PCNX1: variants seen among roughly 807,000 people sequenced by gnomAD.
PCNX1 encodes pecanex 1, also known as pecanex-like protein 1.
PCNX1 carries 78 observed loss-of-function variants against 242.2 expected under a neutral mutation model. That is an observed-to-expected ratio of 0.32 (90% CI 0.27 to 0.39). PCNX1 has a LOEUF of 0.39. PCNX1 is among the 10% of genes least tolerant of loss of function. The probability of loss-of-function intolerance (pLI) is 1.00; values close to 1 mark genes in which losing one functional copy is unlikely to be tolerated. For missense variants in PCNX1, 2,581 were observed against 2,856.5 expected (o/e 0.90, Z 2.20); for synonymous variants, 1,024 against 1,032.9 (o/e 0.99, Z 0.17).
At chr14:71,046,198 G>A (rs1225346274) in intron 20 of PCNX1, among the ~76,000 whole-genome samples, 1 of 151,742 alleles carries the variant, frequency 6.6e-6, no homozygotes, top group Non-Finnish European at 1.5e-5. Flanking sequence ...TATACCATCA[G>A]GAAAATAACT....
At chr14:71,059,545 G>A (rs1159284562) in intron 26 of PCNX1, among the ~76,000 whole-genome samples, 6 of 151,830 alleles carry the variant, frequency 4.0e-5, no homozygotes, top group Non-Finnish European at 7.4e-5. Flanking sequence ...CACCACTCCT[G>A]GCTAATTTTT....
Position 70,977,753 on chromosome 14 carries a change from C to T in PCNX1, c.1416C>T (p.Pro472=), listed in dbSNP as rs1466941740. 2 of 1,613,986 alleles carry T rather than the reference C, an allele frequency of 1.2e-6. No individual in the cohort carries two copies. Among genetic ancestry groups the T allele is most frequent in the African/African-American group, 1.3e-5 (1 of 74,900 alleles). ...TTCACGAGGCCAAGGACCCCACCCC[C>T]TCTGATGAGATGCACAACCAGAGAG... ...SGVHEAKDPT[P]SDEMHNQRGL... The change falls in exon 6 of 36, where the codon CCC becomes CCT. Residue 472 remains proline (P), a synonymous_variant. Transcript: ENST00000304743.
chr14:71,098,547 T>TGA (rs528643008), intron 30 of PCNX1, among the ~76,000 whole-genome samples: 97 of 126,180 alleles, frequency 7.7e-4, no homozygotes, highest in East Asian at 4.7e-3. Flanking sequence ...TGTGTGTGTG[T>TGA]GTGTGTGAGA....
intron 31 of PCNX1, 60 bp downstream of exon 31, chr14:71,102,280 A>ATTTT: frequency 1.9e-6 from 2 of 1,025,722 alleles, no homozygotes; most frequent in South Asian, 1.8e-5. Flanking sequence ...TTGATCTAAA[A>ATTTT]TTTTTTTTTT....
intron 28 of PCNX1, among the ~76,000 whole-genome samples, chr14:71,084,749 G>A (rs1042205997): frequency 6.6e-6 from 1 of 152,244 alleles, no homozygotes; most frequent in Non-Finnish European, 1.5e-5. Context: ...CTGGCAGCAA[G>A]AATTTCAAGC....
At chr14:71,069,689 A>G (rs1318824188) in intron 26 of PCNX1, among the ~76,000 whole-genome samples, 1 of 152,202 alleles carries the variant, frequency 6.6e-6, no homozygotes, top group Non-Finnish European at 1.5e-5. Context: ...AATGTACTAC[A>G]TATCTTAATT....
At chr14:70,961,918 C>T (rs115697270) in intron 2 of PCNX1, among the ~76,000 whole-genome samples, 1,691 of 152,024 alleles carry the variant, frequency 0.011, 14 homozygotes, top group South Asian at 0.017. Flanking sequence ...TTTGATGGCA[C>T]GTATCGTAAC....
In PCNX1 at chr14:70,942,144, G is replaced by A. The variant is rs148564857; in HGVS notation, c.154-4771G>A. 2.6e-5 allele frequency among the ~76,000 whole-genome samples: 4 copies of A among 152,166 alleles called. No homozygotes were observed. The East Asian group carries it at 7.8e-4, about 29-fold the overall frequency. ...GTGGGCTGTACCCACCGTCCGACAGGCCCCAGTGAGGTGAACCCTGTACCT... is the reference window on the plus strand; with the variant it reads ...GTGGGCTGTACCCACCGTCCGACAGACCCCAGTGAGGTGAACCCTGTACCT... On this transcript the variant is annotated intron_variant, in intron 1 of 35. Transcript: ENST00000304743.
intron 2 of PCNX1, among the ~76,000 whole-genome samples, chr14:70,949,058 A>T (rs1258287567): frequency 6.7e-6 from 1 of 148,692 alleles, no homozygotes; most frequent in Non-Finnish European, 1.5e-5. Flanking sequence ...ATATAGATAT[A>T]TGTATGTATA....
At chr14:71,039,931 G>GT (rs2060657027) in intron 19 of PCNX1, among the ~76,000 whole-genome samples, 1 of 152,100 alleles carries the variant, frequency 6.6e-6, no homozygotes, top group Non-Finnish European at 1.5e-5. Flanking sequence ...GGGTATCCAT[G>GT]TTTCCATTTG....
At chr14:71,082,151 C>T (rs1199687745) in intron 28 of PCNX1, among the ~76,000 whole-genome samples, 4 of 152,040 alleles carry the variant, frequency 2.6e-5, no homozygotes, top group East Asian at 1.9e-4. Flanking sequence ...TTTCAGTTTC[C>T]GTGTTGTTGT....
intron 1 of PCNX1, among the ~76,000 whole-genome samples, chr14:70,925,882 C>G (rs1566574722): frequency 6.6e-6 from 1 of 150,840 alleles, no homozygotes. Flanking sequence ...TTCCTTTTGA[C>G]CGCCATAGCC....
In PCNX1 at chr14:70,978,150, C is replaced by G; in HGVS notation, c.1813C>G (p.Gln605Glu). The G allele has an allele frequency of 6.2e-7, 1 of 1,614,144 alleles. No homozygotes were observed. The part of the protein sequence containing the change: ...IFCHDEDSSD[Q>E]SDLSRASSVQ... ...TTGTCATGACGAAGACTCTAGTGAT[C>G]AGAGTGACTTGAGTAGAGCATCAAG... Residue 605 changes from glutamine (Q) to glutamate (E), a missense_variant, in exon 6 of 36, where the codon CAG becomes GAG. Transcript: ENST00000304743.
intron 20 of PCNX1, among the ~76,000 whole-genome samples, chr14:71,045,504 C>T (rs1170429464): frequency 1.3e-5 from 2 of 152,150 alleles, no homozygotes; most frequent in African/African-American, 4.8e-5. Flanking sequence ...ACAGAAGAAA[C>T]TTACTTCTCC....
chr14:70,973,394 G>A (rs1483253313), intron 5 of PCNX1, among the ~76,000 whole-genome samples: 1 of 152,138 alleles, frequency 6.6e-6, no homozygotes, highest in East Asian at 1.9e-4. Context: ...TGTGTTCAAG[G>A]AGAATGGATT....
chr14:70,972,832 G>A (rs558696919), intron 5 of PCNX1, among the ~76,000 whole-genome samples: 208 of 152,238 alleles, frequency 1.4e-3, no homozygotes, highest in Non-Finnish European at 2.6e-3. Flanking sequence ...ACTTCAGACC[G>A]TCCCCATGGG....
intron 8 of PCNX1, among the ~76,000 whole-genome samples, chr14:71,004,355 A>C (rs1044175773): frequency 2.0e-5 from 3 of 152,260 alleles, no homozygotes; most frequent in African/African-American, 7.2e-5. Context: ...AGGGCTGCAC[A>C]GCAGGAGGTG....
chr14:71,052,217 CTT>C (rs780497297), intron 24 of PCNX1, among the ~76,000 whole-genome samples: 6 of 142,526 alleles, frequency 4.2e-5, no homozygotes, highest in Non-Finnish European at 4.6e-5. Flanking sequence ...TCTTTCTTTC[CTT>C]TTTTTTTTTT....
At chr14:70,998,333 TA>T (rs771677341) in intron 8 of PCNX1, among the ~76,000 whole-genome samples, 110 of 152,258 alleles carry the variant, frequency 7.2e-4, no homozygotes, top group Middle Eastern at 3.4e-3. Flanking sequence ...AAAATAGTAT[TA>T]TGAGGATTTT....
Sources: gnomAD v4.1 joint callset for allele counts (sites outside exome capture counted in the v4.1 genomes callset) on GRCh38, gnomAD v4.1.1 for gene constraint, MANE v1.5 for transcripts, NCBI Gene and HGNC (gene_info 2026-07-23, HGNC 2026-07-21) for gene names.